GRM7: variants seen among roughly 807,000 people sequenced by gnomAD.
GRM7 encodes the protein glutamate metabotropic receptor 7, also known as metabotropic glutamate receptor 7.
A neutral mutation model predicts 84.5 loss-of-function variants in GRM7; 35 were observed. The ratio of observed to expected loss-of-function variants is 0.41; its 90% CI spans 0.32 to 0.55. The LOEUF (loss-of-function observed/expected upper bound fraction) is 0.55, where lower values mean the gene tolerates loss of function less well. Ranked by LOEUF, GRM7 falls within the 20% of genes least tolerant of loss-of-function variation. The pLI is 0.19. For missense variants in GRM7, 1,003 were observed against 1,194.6 expected (o/e 0.84, Z 2.36); for synonymous variants, 487 against 455.1 (o/e 1.07, Z -0.89).
intron 2 of GRM7, among the ~76,000 whole-genome samples, chr3:7,274,902 C>A (rs1204310499): frequency 6.6e-6 from 1 of 151,956 alleles, no homozygotes; most frequent in Non-Finnish European, 1.5e-5. Flanking sequence ...TCTCTTTCTT[C>A]TCCTTCTGGT....
At chr3:7,206,901 T>G (rs1366517833) in intron 2 of GRM7, among the ~76,000 whole-genome samples, 1 of 152,120 alleles carries the variant, frequency 6.6e-6, no homozygotes, top group Non-Finnish European at 1.5e-5. Context: ...TGGGGGATGC[T>G]TATGTGGATG....
At chr3:7,315,796 T>C (rs757034720) in intron 4 of GRM7, among the ~76,000 whole-genome samples, 8 of 152,130 alleles carry the variant, frequency 5.3e-5, no homozygotes, top group Non-Finnish European at 1.2e-4. Context: ...CTGTAAACCT[T>C]TGAGTTTTCA....
At chr3:7,046,454 G>A (rs1050452522) in intron 1 of GRM7, among the ~76,000 whole-genome samples, 1 of 152,074 alleles carries the variant, frequency 6.6e-6, no homozygotes, top group Non-Finnish European at 1.5e-5. Flanking sequence ...CACTTTGCTT[G>A]CAATTGAATG....
At chr3:7,704,401 GAA>G (rs1220082826) in intron 9 of GRM7, among the ~76,000 whole-genome samples, 2 of 152,018 alleles carry the variant, frequency 1.3e-5, no homozygotes, top group Non-Finnish European at 2.9e-5. Context: ...GAACATAAAT[GAA>G]AAACACTGAG....
At chr3:7,127,975 T>C (rs1002227967) in intron 1 of GRM7, among the ~76,000 whole-genome samples, 1 of 151,958 alleles carries the variant, frequency 6.6e-6, no homozygotes, top group Non-Finnish European at 1.5e-5. Context: ...CCTGGGGAAA[T>C]AGAATTATTT....
chr3:7,263,545 A>G (rs981537348), intron 2 of GRM7, among the ~76,000 whole-genome samples: 1 of 151,948 alleles, frequency 6.6e-6, no homozygotes, highest in African/African-American at 2.4e-5. Context: ...GGGCGGCTCC[A>G]CCTCCACCTC....
intron 7 of GRM7, among the ~76,000 whole-genome samples, chr3:7,472,348 GTGTAAATAGGAATGTTAAGTTTTATA>G (rs1221628750): frequency 5.5e-4 from 67 of 122,068 alleles, no homozygotes; most frequent in African/African-American, 4.6e-3. Context: ...TGTTATGAAT[GTGTAAATAGGAATGTTAAGTTTTATA>G]CTTAAACACT....
chr3:7,667,928 T>G (rs956602018), intron 8 of GRM7, among the ~76,000 whole-genome samples: 1 of 152,154 alleles, frequency 6.6e-6, no homozygotes, highest in Non-Finnish European at 1.5e-5. Context: ...CATTTCATTT[T>G]TCTATTGTGA....
rs559119092 is a variant in GRM7 at position 7,291,873 on chromosome 3, C to G, written c.737-6811C>G. On this transcript the variant is annotated intron_variant, in intron 2 of 9. Coordinates refer to ENST00000357716, the MANE Select transcript of GRM7 (RefSeq NM_000844.4). ...TAATTCCCACATGTTGTGGGAGGGG[C>G]CCAGTGGGAGATAACTGAATCATGG... Among the ~76,000 whole-genome samples, 166 of 152,216 alleles carry G rather than the reference C, an allele frequency of 1.1e-3. 2 individuals are homozygous for G. The highest frequency in any genetic ancestry group is 3.2e-3 in the African/African-American group (134 of 41,546).
intron 2 of GRM7, among the ~76,000 whole-genome samples, chr3:7,281,086 T>C (rs1575115816): frequency 6.6e-6 from 1 of 152,296 alleles, no homozygotes; most frequent in East Asian, 1.9e-4. Context: ...TCTTAAGCTC[T>C]TTCTCCTTCT....
intron 1 of GRM7, among the ~76,000 whole-genome samples, chr3:6,896,707 A>G (rs928493409): frequency 9.9e-5 from 15 of 152,108 alleles, no homozygotes; most frequent in African/African-American, 3.4e-4. Flanking sequence ...ATCTTGCTAC[A>G]TTATTCTTCA....
At chr3:7,140,957 C>T (rs764130296) in intron 1 of GRM7, among the ~76,000 whole-genome samples, 1 of 151,878 alleles carries the variant, frequency 6.6e-6, no homozygotes, top group Non-Finnish European at 1.5e-5. Context: ...AAATGTCCTA[C>T]AAGTTCTAGC....
chr3:6,883,134 CTAACTA>C (rs1386590051), intron 1 of GRM7, among the ~76,000 whole-genome samples: 1 of 152,108 alleles, frequency 6.6e-6, no homozygotes, highest in African/African-American at 2.4e-5. Flanking sequence ...CTACATGATT[CTAACTA>C]TATTTCTTTG....
chr3:7,092,224 G>C (rs1485191380), intron 1 of GRM7, among the ~76,000 whole-genome samples: 1 of 152,156 alleles, frequency 6.6e-6, no homozygotes, highest in Non-Finnish European at 1.5e-5. Flanking sequence ...ACAGAATCTA[G>C]TTAGAAGCCC....
chr3:7,181,869 C>T (rs1419959163), intron 2 of GRM7, among the ~76,000 whole-genome samples: 4 of 152,074 alleles, frequency 2.6e-5, no homozygotes, highest in Admixed American at 6.6e-5. Flanking sequence ...CCTTGGCCTC[C>T]TGAATTGCTG....
rs143111745 is a variant in GRM7 at position 7,307,434 on chromosome 3, T to C, written c.1033+782T>C. 4.8e-3 allele frequency among the ~76,000 whole-genome samples: 728 copies of C among 152,338 alleles called. 7 individuals are homozygous for C. Among genetic ancestry groups the C allele is most frequent in the African/African-American group, 0.017 (701 of 41,586 alleles). On this transcript the variant is annotated intron_variant, in intron 4 of 9. Transcript: ENST00000357716. ...ATGTCTCCAAAGATTCTCTAAAACA[T>C]GCTTTGCGCATTAAAAAGAACTCTA...
intron 1 of GRM7, among the ~76,000 whole-genome samples, chr3:7,115,377 C>T (rs1404285672): frequency 6.6e-6 from 1 of 152,084 alleles, no homozygotes; most frequent in Non-Finnish European, 1.5e-5. Flanking sequence ...ATGTCAAGCA[C>T]CTGAAAAAAT....
intron 4 of GRM7, among the ~76,000 whole-genome samples, chr3:7,369,656 A>C (rs545954765): frequency 3.8e-4 from 58 of 152,270 alleles, no homozygotes; most frequent in African/African-American, 1.4e-3. Flanking sequence ...ACTGTTCTCC[A>C]AGAAGAGTCA....
intron 4 of GRM7, among the ~76,000 whole-genome samples, chr3:7,340,171 C>G (rs886733848): frequency 6.6e-6 from 1 of 152,170 alleles, no homozygotes; most frequent in Middle Eastern, 3.4e-3. Context: ...TCATATTTAT[C>G]TTCTTTGAAT....
Sources: gnomAD v4.1 joint callset for allele counts (sites outside exome capture counted in the v4.1 genomes callset) on GRCh38, gnomAD v4.1.1 for gene constraint, MANE v1.5 for transcripts, NCBI Gene and HGNC (gene_info 2026-07-23, HGNC 2026-07-21) for gene names.